Variants in XKR4 observed in about 807,000 individuals in gnomAD.
XKR4 encodes XK related 4, also known as XK-related protein 4.
A neutral mutation model predicts 53.9 loss-of-function variants in XKR4; 12 were observed. The observed-to-expected ratio is 0.22, with a 90% CI of 0.14 to 0.36. The LOEUF is 0.36. Ranked by LOEUF, XKR4 falls within the 10% of genes least tolerant of loss-of-function variation. XKR4 has a pLI of 1.00. For missense variants in XKR4, 799 were observed against 859.5 expected (o/e 0.93, Z 0.88); for synonymous variants, 354 against 362.4 (o/e 0.98, Z 0.26).
chr8:55,139,688 A>G (rs1178205700), intron 1 of XKR4, among the ~76,000 whole-genome samples: 1 of 151,350 alleles, frequency 6.6e-6, no homozygotes, highest in Non-Finnish European at 1.5e-5. Flanking sequence ...TTTTTTTAAC[A>G]ATGCTTAATT....
chr8:55,336,346 A>G (rs1803462350), intron 1 of XKR4, among the ~76,000 whole-genome samples: 1 of 152,150 alleles, frequency 6.6e-6, no homozygotes, highest in Non-Finnish European at 1.5e-5. Context: ...CACAATTCTG[A>G]GGCCTCCCCA....
intron 1 of XKR4, among the ~76,000 whole-genome samples, chr8:55,106,234 A>G (rs2129350477): frequency 6.6e-6 from 1 of 152,320 alleles, no homozygotes; most frequent in Middle Eastern, 3.4e-3. Flanking sequence ...TTGAAATAAC[A>G]TCAAAGCATT....
intron 2 of XKR4, among the ~76,000 whole-genome samples, chr8:55,368,559 T>C (rs757055049): frequency 6.6e-6 from 1 of 152,138 alleles, no homozygotes; most frequent in Non-Finnish European, 1.5e-5. Flanking sequence ...GGCTCCAACA[T>C]CACTCCTAAA....
In XKR4 at chr8:55,450,248, C is replaced by G. The variant is rs564806962; in HGVS notation, c.1007-73033C>G. The G allele has an allele frequency of 2.0e-5, 13 of 660,402 alleles. No individual in the cohort carries two copies. The South Asian group carries it at 2.0e-4, about 10-fold the overall frequency. 40.9% of individuals were successfully genotyped at this position (660,402 alleles called of 1,614,324 possible). ...GGAGCGCCTCCGTCAAACCGTTCTT[C>G]CTCAGGGGCTCAGGGGGTTCCCCGA... On this transcript the variant is annotated intron_variant, in intron 2 of 2. Transcript: ENST00000327381.
chr8:55,381,095 A>G (rs1804225202), intron 2 of XKR4, among the ~76,000 whole-genome samples: 1 of 152,230 alleles, frequency 6.6e-6, no homozygotes, highest in African/African-American at 2.4e-5. Context: ...TACATTATAT[A>G]TAGTCAAAAA....
At chr8:55,304,612 T>G (rs184591794) in intron 1 of XKR4, among the ~76,000 whole-genome samples, 1 of 152,154 alleles carries the variant, frequency 6.6e-6, no homozygotes, top group Non-Finnish European at 1.5e-5. Context: ...AAGTCTCCCA[T>G]TATTATTGTG....
rs1410428727 is a variant in XKR4 at position 55,539,824 on chromosome 8, G to A, written c.*15597G>A. On this transcript the variant is annotated 3_prime_UTR_variant, in exon 3 of 3. Coordinates refer to ENST00000327381, the MANE Select transcript of XKR4 (RefSeq NM_052898.2). ...GTGTTGCCTATTTGGACTAGATGTA[G>A]GGGCCTGGAAGAAGGAAGTGGCAGA... The A allele has an allele frequency of 6.6e-6, 1 of 152,136 alleles. No homozygotes were observed. Among genetic ancestry groups the A allele is most frequent in the African/African-American group, 2.4e-5 (1 of 41,448 alleles). The allele number at this position is 152,136 out of a possible 1,614,324, so 9.4% of individuals were successfully genotyped here.
intron 2 of XKR4, among the ~76,000 whole-genome samples, chr8:55,521,147 G>C (rs1405655580): frequency 2.0e-5 from 3 of 152,250 alleles, no homozygotes; most frequent in Non-Finnish European, 4.4e-5. Flanking sequence ...CAGAAACCCA[G>C]CTGGGCGCCG....
chr8:55,284,816 G>A (rs936625408), intron 1 of XKR4, among the ~76,000 whole-genome samples: 13 of 152,138 alleles, frequency 8.5e-5, no homozygotes, highest in African/African-American at 2.7e-4. Flanking sequence ...GATTGCCAAA[G>A]AATATGTAGA....
chr8:55,203,254 T>C (rs1817600028), intron 1 of XKR4, among the ~76,000 whole-genome samples: 1 of 152,212 alleles, frequency 6.6e-6, no homozygotes, highest in Non-Finnish European at 1.5e-5. Context: ...TGTCCTCGCT[T>C]CTCTGCCCTT....
At chr8:55,445,905 T>G (rs1271177782) in intron 2 of XKR4, among the ~76,000 whole-genome samples, 1 of 152,238 alleles carries the variant, frequency 6.6e-6, no homozygotes, top group Non-Finnish European at 1.5e-5. Flanking sequence ...CTGTCAGCAA[T>G]GCCAGCTGCA....
intron 2 of XKR4, among the ~76,000 whole-genome samples, chr8:55,479,207 C>A (rs1048541311): frequency 6.6e-6 from 1 of 152,048 alleles, no homozygotes; most frequent in African/African-American, 2.4e-5. Context: ...GTCTCTCAGA[C>A]CACAGTGCAA....
chr8:55,105,218 T>A (rs1038950375), intron 1 of XKR4, among the ~76,000 whole-genome samples: 10 of 152,138 alleles, frequency 6.6e-5, no homozygotes, highest in African/African-American at 2.4e-4. Flanking sequence ...AATTGAAAAA[T>A]GATTCTTAAT....
intron 1 of XKR4, among the ~76,000 whole-genome samples, chr8:55,172,205 T>G (rs539088757): frequency 1.4e-5 from 2 of 145,702 alleles, no homozygotes; most frequent in East Asian, 3.9e-4. Context: ...AGCAAGACTC[T>G]CTCTCAAAAA....
intron 2 of XKR4, among the ~76,000 whole-genome samples, chr8:55,461,560 C>T (rs1805658760): frequency 6.6e-6 from 1 of 152,226 alleles, no homozygotes; most frequent in African/African-American, 2.4e-5. Flanking sequence ...CTCTAAAAAT[C>T]AGAGTGCCTC....
chr8:55,140,432 C>G (rs1816687394), intron 1 of XKR4, among the ~76,000 whole-genome samples: 1 of 152,182 alleles, frequency 6.6e-6, no homozygotes, highest in Non-Finnish European at 1.5e-5. Flanking sequence ...GCTCCTGTTG[C>G]TGGGGTCCCA....
chr8:55,472,078 T>C (rs1805893311), intron 2 of XKR4, among the ~76,000 whole-genome samples: 1 of 152,044 alleles, frequency 6.6e-6, no homozygotes, highest in South Asian at 2.1e-4. Context: ...CAGAGGGAAA[T>C]GATAATGAAT....
chr8:55,514,643 G>A (rs1375045801), intron 2 of XKR4, among the ~76,000 whole-genome samples: 3 of 151,722 alleles, frequency 2.0e-5, no homozygotes, highest in Non-Finnish European at 4.4e-5. Context: ...TTCATTTCTC[G>A]CCTGCCCCTG....
chr8:55,112,947 G>C (rs1238419412), intron 1 of XKR4, among the ~76,000 whole-genome samples: 1 of 151,970 alleles, frequency 6.6e-6, no homozygotes, highest in Non-Finnish European at 1.5e-5. Flanking sequence ...GTATTTCCAG[G>C]AAATCTACTA....
Sources: allele counts gnomAD v4.1 joint callset (sites outside exome capture counted in the v4.1 genomes callset), GRCh38; gene constraint gnomAD v4.1.1; transcripts MANE v1.5; gene names NCBI Gene and HGNC (gene_info 2026-07-23, HGNC 2026-07-21).